IGF2BP2: variants seen among roughly 807,000 people sequenced by gnomAD.
The protein encoded by IGF2BP2 is insulin-like growth factor 2 mRNA-binding protein 2.
In IGF2BP2, 17 loss-of-function variants were observed where a neutral mutation model predicts 75.8. The ratio of observed to expected loss-of-function variants is 0.22; its 90% confidence interval spans 0.15 to 0.34. The LOEUF is 0.34. IGF2BP2 is among the 10% of genes least tolerant of loss of function. IGF2BP2 has a pLI of 1.00. For missense variants in IGF2BP2, 516 were observed against 772.4 expected (o/e 0.67, Z 3.93); for synonymous variants, 288 against 295.6 (o/e 0.97, Z 0.26).
chr3:185,712,425 C>T (rs1447350841), intron 2 of IGF2BP2: 2 of 152,262 alleles, frequency 1.3e-5, no homozygotes, highest in Non-Finnish European at 2.9e-5. Flanking sequence ...ATTCTCCCCA[C>T]TCCTAATAAA....
intron 2 of IGF2BP2, chr3:185,722,091 A>AT (rs373538684): frequency 3.7e-3 from 1,155 of 314,794 alleles, no homozygotes; most frequent in Middle Eastern, 4.6e-3. Context: ...ACCACATCTG[A>AT]TTTTTTTTTT....
At chr3:185,687,213 C>T (rs1192308607) in intron 6 of IGF2BP2, 22 bp from the exon 7 acceptor site, 1 of 1,592,086 alleles carries the variant, frequency 6.3e-7, no homozygotes, top group Admixed American at 1.9e-5. Context: ...GAATCAGGAG[C>T]CATGATTACA....
At chr3:185,731,252 T>C (rs2149515827) in intron 2 of IGF2BP2, among the ~76,000 whole-genome samples, 1 of 150,786 alleles carries the variant, frequency 6.6e-6, no homozygotes, top group East Asian at 2.0e-4. Flanking sequence ...CTTTCTTTTT[T>C]TTTTTTTTTT....
Position 185,661,413 on chromosome 3 carries a change from GATT to G in IGF2BP2, c.1201-3007_1201-3005del, listed in dbSNP as rs568086934. Among the ~76,000 whole-genome samples the G allele has an allele frequency of 1.3e-4, 20 of 152,132 alleles. 2 individuals carry two copies. In the South Asian group the frequency reaches 4.2e-3, roughly 32 times the overall value. On this transcript the variant is annotated intron_variant, in intron 10 of 15. Coordinates refer to ENST00000382199, the MANE Select transcript of IGF2BP2 (RefSeq NM_006548.6). ...GCACTTTGGGAGGCTGAGGCAGGCGGATTATTTGAGGTCAGCAGTTCAAGACCA... is the reference window on the plus strand; with the variant it reads ...GCACTTTGGGAGGCTGAGGCAGGCGGATTTGAGGTCAGCAGTTCAAGACCA...
At chr3:185,698,811 GTTGT>G (rs1394329068) in intron 2 of IGF2BP2, among the ~76,000 whole-genome samples, 15 of 151,012 alleles carry the variant, frequency 9.9e-5, no homozygotes, top group South Asian at 2.1e-4. Flanking sequence ...GTTTTTTGTT[GTTGT>G]TTGTTTGTTT....
chr3:185,793,627 T>A (rs367833604), intron 2 of IGF2BP2, among the ~76,000 whole-genome samples: 1 of 152,182 alleles, frequency 6.6e-6, no homozygotes, highest in African/African-American at 2.4e-5. Context: ...CACATCAGCC[T>A]AGGTAAGAGA....
intron 2 of IGF2BP2, among the ~76,000 whole-genome samples, chr3:185,750,251 G>A (rs1189853573): frequency 6.6e-6 from 1 of 152,154 alleles, no homozygotes; most frequent in Non-Finnish European, 1.5e-5. Context: ...CCCCTCCAAG[G>A]CACTGGAAAG....
intron 9 of IGF2BP2, 85 bp downstream of exon 9, chr3:185,675,211 A>G: frequency 1.4e-6 from 2 of 1,410,400 alleles, no homozygotes; most frequent in Non-Finnish European, 1.9e-6. Flanking sequence ...CTGCATACCT[A>G]TCCTAAGGCA....
At chr3:185,690,774 C>T (rs753895599) in intron 5 of IGF2BP2, among the ~76,000 whole-genome samples, 2 of 152,154 alleles carry the variant, frequency 1.3e-5, no homozygotes, top group Non-Finnish European at 2.9e-5. Flanking sequence ...GCACAGAGCG[C>T]TGTTATTTAA....
chr3:185,743,321 G>T (rs1054438544), intron 2 of IGF2BP2, among the ~76,000 whole-genome samples: 1 of 151,894 alleles, frequency 6.6e-6, no homozygotes, highest in African/African-American at 2.4e-5. Flanking sequence ...TGTTGCCCAG[G>T]CTGGAGTGCA....
At chr3:185,780,071 T>C (rs1735011408) in intron 2 of IGF2BP2, among the ~76,000 whole-genome samples, 1 of 152,240 alleles carries the variant, frequency 6.6e-6, no homozygotes, top group Non-Finnish European at 1.5e-5. Flanking sequence ...TGGAAAGTTC[T>C]AGACATGTTG....
In IGF2BP2 at chr3:185,762,366, T is replaced by TAAAAAAAA. The variant is rs529395141; in HGVS notation, c.239+60779_239+60786dup. Among the ~76,000 whole-genome samples, 5 of 105,460 alleles carry TAAAAAAAA rather than the reference T, an allele frequency of 4.7e-5. 2 individuals are homozygous for TAAAAAAAA. The highest frequency in any genetic ancestry group is 7.5e-5 in the Non-Finnish European group (4 of 53,092). The allele number at this position is 105,460 out of a possible 152,430, so 69.2% of individuals were successfully genotyped here. A position where few individuals can be genotyped will look rare whatever the true frequency, so the allele number is the denominator to read the frequency against. On this transcript the variant is annotated intron_variant, in intron 2 of 15. Coordinates refer to ENST00000382199, the MANE Select transcript of IGF2BP2 (RefSeq NM_006548.6). ...AACATGGTGAAACCCAGGCTTTACT[T>TAAAAAAAA]AAAAAAAAAAAAAAAAAAAAGCCGG...
chr3:185,695,567 C>T (rs1240406352), intron 4 of IGF2BP2, among the ~76,000 whole-genome samples: 1 of 152,092 alleles, frequency 6.6e-6, no homozygotes, highest in Non-Finnish European at 1.5e-5. Flanking sequence ...TGTATTATTG[C>T]CTGTCACATC....
At chr3:185,654,523 C>T (rs1294659445) in intron 12 of IGF2BP2, among the ~76,000 whole-genome samples, 3 of 152,236 alleles carry the variant, frequency 2.0e-5, no homozygotes, top group Admixed American at 6.5e-5. Flanking sequence ...CCGTCCACTT[C>T]GTAATGACTT....
At chr3:185,809,313 A>C (rs1739480374) in intron 2 of IGF2BP2, among the ~76,000 whole-genome samples, 1 of 152,214 alleles carries the variant, frequency 6.6e-6, no homozygotes, top group Admixed American at 6.5e-5. Context: ...TGCAAAACCT[A>C]TTCTGGTTCC....
chr3:185,787,940 C>A (rs1458314001), intron 2 of IGF2BP2, among the ~76,000 whole-genome samples: 1 of 152,124 alleles, frequency 6.6e-6, no homozygotes, highest in African/African-American at 2.4e-5. Context: ...TATAGACAAT[C>A]AGAGCTTCAG....
Position 185,645,661 on chromosome 3 carries a change from G to GA in IGF2BP2, c.1708-39dup. On this transcript the variant is annotated intron_variant, in intron 15 of 15. Transcript: ENST00000382199. The surrounding 1 kb of genome is among the most constrained non-coding windows in gnomAD (Gnocchi z 4.9). ...AGAGAAGGGAGAGGAAGGGACAGGG[G>GA]AAAAAAGGAACCCAGTTCTGAGGAC... is the stretch of plus-strand genomic sequence containing the variant. 2.0e-6 allele frequency: 3 copies of GA among 1,525,946 alleles called. No homozygotes were observed. Among genetic ancestry groups the GA allele is most frequent in the Non-Finnish European group, 2.7e-6 (3 of 1,100,886 alleles). 94.5% of individuals were successfully genotyped at this position (1,525,946 alleles called of 1,614,324 possible).
intron 2 of IGF2BP2, among the ~76,000 whole-genome samples, chr3:185,786,569 T>C (rs190524564): frequency 1.4e-3 from 202 of 141,214 alleles, no homozygotes; most frequent in African/African-American, 6.1e-3. Flanking sequence ...AAAACCCCCT[T>C]TGATTGTAAT....
intron 8 of IGF2BP2, 40 bp from the exon 9 acceptor site, chr3:185,675,471 G>A (rs1560271439): frequency 6.3e-7 from 1 of 1,584,334 alleles, no homozygotes; most frequent in Middle Eastern, 1.7e-4. Context: ...GTTTTCAACG[G>A]GAAAAATAAA....
Sources: gnomAD v4.1 joint callset for allele counts (sites outside exome capture counted in the v4.1 genomes callset) on GRCh38, gnomAD v4.1.1 for gene constraint, Gnocchi (gnomAD v3.1) non-coding constraint, MANE v1.5 for transcripts, NCBI Gene and HGNC (gene_info 2026-07-23, HGNC 2026-07-21) for gene names.